ZNF177: variants seen among roughly 807,000 people sequenced by gnomAD.
The protein encoded by ZNF177 is zinc finger protein 177.
In ZNF177, 17 loss-of-function variants were observed where a neutral mutation model predicts 19.4. The ratio of observed to expected loss-of-function variants is 0.87; its 90% CI spans 0.60 to 1.31. The LOEUF (loss-of-function observed/expected upper bound fraction) is 1.31. ZNF177 is among the 40% of genes most tolerant of loss of function. The pLI is 0.00. For synonymous variants in ZNF177, 220 were observed against 188.7 expected (o/e 1.17, Z -1.36); for missense variants, 633 against 561.8 (o/e 1.13, Z -1.28).
chr19:9,372,454 C>G (rs1297637770), upstream of ZNF177, among the ~76,000 whole-genome samples: 1 of 152,018 alleles, frequency 6.6e-6, no homozygotes, highest in African/African-American at 2.4e-5. Flanking sequence ...GTACCTACCA[C>G]CCAGCTTCAA....
At chr19:9,372,927 T>C (rs537448437), upstream of ZNF177, among the ~76,000 whole-genome samples, 15 of 152,262 alleles carry the variant, frequency 9.9e-5, no homozygotes, top group Admixed American at 9.8e-4. Flanking sequence ...ATGTTTAAGG[T>C]GTACAACATA....
At chr19:9,382,314 G>A, downstream of ZNF177, 1 of 398,748 alleles carries the variant, frequency 2.5e-6, no homozygotes, top group Non-Finnish European at 4.4e-6. Flanking sequence ...GGAAGCTCAT[G>A]GAAATGGGAA....
At chr19:9,363,778 T>C (rs563206081) in intron 1 of ZNF177, among the ~76,000 whole-genome samples, 1 of 152,322 alleles carries the variant, frequency 6.6e-6, no homozygotes, top group South Asian at 2.1e-4. Flanking sequence ...TATTGACATA[T>C]CGTTTATGAA....
At chr19:9,381,503 C>A (rs756912379) in exon 6 of ZNF177, 2 of 1,614,202 alleles carry the variant, frequency 1.2e-6, no homozygotes, top group Non-Finnish European at 1.7e-6. Flanking sequence ...CGCTCTCACA[C>A]TGGAGAGAAG....
Position 9,365,846 on chromosome 19 carries a change from A to AGT in ZNF177, c.-305+899_-305+900dup, listed in dbSNP as rs2067971397. ...GATAGTAAGAGAGGTTGGAGAAGAG[A>AGT]GTAAAAAGAGGCCACTTACCTGATT... On this transcript the variant is annotated intron_variant, in intron 2 of 8. Transcript: ENST00000343499. Among the ~76,000 whole-genome samples, 3 of 152,258 alleles carry AGT rather than the reference A, an allele frequency of 2.0e-5. No individual in the cohort carries two copies. In the East Asian group the frequency reaches 5.8e-4, roughly 29 times the overall value.
upstream of ZNF177, among the ~76,000 whole-genome samples, chr19:9,374,533 G>C (rs1188202285): frequency 1.3e-5 from 2 of 152,072 alleles, no homozygotes; most frequent in Non-Finnish European, 2.9e-5. Flanking sequence ...CTTCCCATTT[G>C]TTTGTGTCTT....
intron 2 of ZNF177, among the ~76,000 whole-genome samples, chr19:9,371,200 T>G (rs748406554): frequency 1.1e-4 from 16 of 152,196 alleles, no homozygotes; most frequent in Non-Finnish European, 1.9e-4. Flanking sequence ...TAACAAAGTC[T>G]GACGTTCCCT....
At chr19:9,363,534 C>T (rs1299983931) in intron 1 of ZNF177, among the ~76,000 whole-genome samples, 1 of 152,154 alleles carries the variant, frequency 6.6e-6, no homozygotes, top group Non-Finnish European at 1.5e-5. Flanking sequence ...ATTTGAGTTC[C>T]TATCTGAGTG....
chr19:9,363,780 G>A (rs1377202469), intron 1 of ZNF177, among the ~76,000 whole-genome samples: 1 of 152,034 alleles, frequency 6.6e-6, no homozygotes, highest in Non-Finnish European at 1.5e-5. Flanking sequence ...TTGACATATC[G>A]TTTATGAATA....
At chr19:9,364,427 T>G (rs958932314) in intron 1 of ZNF177, among the ~76,000 whole-genome samples, 2 of 152,148 alleles carry the variant, frequency 1.3e-5, no homozygotes, top group African/African-American at 4.8e-5. Flanking sequence ...TGCCTGCTAT[T>G]CCAGTACCGA....
chr19:9,379,703 T>C, intron 4 of ZNF177, 84 bp downstream of exon 6: 1 of 1,468,708 alleles, frequency 6.8e-7, no homozygotes, highest in East Asian at 2.4e-5. Context: ...GGAAAAGAAA[T>C]CTGAGGCCAT....
chr19:9,380,730 C>G (rs1243031494), exon 6 of ZNF177: 2 of 1,535,950 alleles, frequency 1.3e-6, no homozygotes, highest in East Asian at 4.9e-5. Flanking sequence ...TCAGAAAGAA[C>G]ACTCGCTTTA....
At chr19:9,363,153 C>G (rs1449617106) in intron 1 of ZNF177, 69 bp downstream of exon 1, 5 of 152,314 alleles carry the variant, frequency 3.3e-5, no homozygotes, top group African/African-American at 1.2e-4. Context: ...GCAGCCCCGG[C>G]TGCTCCAGAC....
chr19:9,365,057 T>C (rs1324083150), intron 2 of ZNF177, 109 bp downstream of exon 2: 1 of 152,116 alleles, frequency 6.6e-6, no homozygotes, highest in Admixed American at 6.5e-5. Flanking sequence ...GTTTCAGTGA[T>C]GTGTGTAGTT....
chr19:9,363,058 G>C (rs2067924771), exon 1 of ZNF177: 2 of 152,390 alleles, frequency 1.3e-5, no homozygotes, highest in Admixed American at 6.5e-5. Flanking sequence ...CTGAGAAAGG[G>C]TTGCTGTCCC....
At chr19:9,381,768 C>T (rs752720974) in exon 6 of ZNF177, 2 of 1,595,824 alleles carry the variant, frequency 1.3e-6, no homozygotes, top group East Asian at 2.2e-5. Flanking sequence ...GCCAGAAACT[C>T]CATGAATGAA....
At chr19:9,365,937 C>T (rs1441906921) in intron 2 of ZNF177, among the ~76,000 whole-genome samples, 2 of 152,168 alleles carry the variant, frequency 1.3e-5, no homozygotes, top group African/African-American at 2.4e-5. Context: ...GGATCTTTCT[C>T]ACAGAGCAAA....
In ZNF177 at chr19:9,380,150, C is replaced by G. The variant is rs777700123; in HGVS notation, c.336+11C>G. 1.3e-6 allele frequency: 2 copies of G among 1,599,086 alleles called. No homozygotes were observed. The highest frequency in any genetic ancestry group is 1.7e-6 in the Non-Finnish European group (2 of 1,176,242). ...AATGGCATAAACACGGTAAGACTTA[C>G]TAGGAAGTATTCCTGGTCTTTGTAG... On this transcript the variant is annotated intron_variant, in intron 5 of 5. Coordinates refer to ENST00000589262, the Ensembl canonical transcript of ZNF177.
Position 9,380,090 on chromosome 19 carries a change from T to C in ZNF177, c.287T>C (p.Ile96Thr), listed in dbSNP as rs763109384. 4.3e-5 allele frequency: 69 copies of C among 1,612,230 alleles called. No individual in the cohort carries two copies. The East Asian group carries it at 1.0e-3, about 25-fold the overall frequency. ...ACTCAACTTAAACCAAAAGATACAA[T>C]TGCTATGCAGAACATTCCTGGGGGA... is the stretch of plus-strand genomic sequence containing the variant. The change falls in exon 5 of 6, where the codon ATT becomes ACT. Residue 96 changes from isoleucine (I) to threonine (T), a missense_variant. Ile to Thr is a moderately conservative substitution (Grantham distance 89). Transcript: ENST00000589262.
Sources: gnomAD v4.1 joint callset for allele counts (sites outside exome capture counted in the v4.1 genomes callset) on GRCh38, gnomAD v4.1.1 for gene constraint, MANE v1.5 for transcripts, NCBI Gene and HGNC (gene_info 2026-07-23, HGNC 2026-07-21) for gene names.